ABCA13: variants seen among roughly 807,000 people sequenced by gnomAD.
ABCA13 encodes the protein ATP binding cassette subfamily A member 13.
Under a neutral mutation model 478.7 loss-of-function variants are expected in ABCA13, and 476 were observed. The observed-to-expected ratio is 0.99, with a 90% CI of 0.92 to 1.07. ABCA13 has a LOEUF of 1.07. Ranked by LOEUF, ABCA13 falls within the 50% of genes least tolerant of loss-of-function variation. ABCA13 has a pLI of 0.00. For missense variants in ABCA13, 6,060 were observed against 5,910.6 expected (o/e 1.03, Z -0.83); for synonymous variants, 2,252 against 2,158.9 (o/e 1.04, Z -1.20).
At chr7:48,361,009 T>C (rs980048766) in intron 31 of ABCA13, among the ~76,000 whole-genome samples, 4 of 151,204 alleles carry the variant, frequency 2.6e-5, no homozygotes, top group Non-Finnish European at 5.9e-5. Context: ...GAGGGGAGAA[T>C]TGCTTGAGCC....
chr7:48,375,254 G>A (rs1308236353), intron 34 of ABCA13, among the ~76,000 whole-genome samples: 2 of 152,124 alleles, frequency 1.3e-5, no homozygotes, highest in Admixed American at 6.5e-5. Flanking sequence ...ACTGGTCCCT[G>A]GTACCAAAAA....
intron 27 of ABCA13, among the ~76,000 whole-genome samples, chr7:48,325,494 A>ATCAGACGGT (rs1273431815): frequency 4.6e-5 from 7 of 152,042 alleles, no homozygotes; most frequent in African/African-American, 1.7e-4. Context: ...TTAAAACTGT[A>ATCAGACGGT]GCTTTTGGTA....
In ABCA13 at chr7:48,273,826, C is replaced by G; in HGVS notation, c.4160C>G (p.Thr1387Arg). 1.2e-6 allele frequency: 2 copies of G among 1,611,986 alleles called. No individual in the cohort carries two copies. Among genetic ancestry groups the G allele is most frequent in the Non-Finnish European group, 1.7e-6 (2 of 1,178,802 alleles). Reference protein sequence around the residue: ...TLNSTFSSENTISSLKGCIVW... With the variant: ...TLNSTFSSENRISSLKGCIVW... ...AATTCCACATTTTCCTCTGAGAACACAATTAGCAGTCTGAAAGGATGCATT... is the reference window on the plus strand; with the variant it reads ...AATTCCACATTTTCCTCTGAGAACAGAATTAGCAGTCTGAAAGGATGCATT... The change falls in exon 17 of 62, where the codon ACA becomes AGA. Residue 1387 changes from threonine to arginine, a missense_variant. Coordinates refer to ENST00000435803, the MANE Select transcript of ABCA13 (RefSeq NM_152701.5).
intron 27 of ABCA13, among the ~76,000 whole-genome samples, chr7:48,331,422 T>C (rs1172876415): frequency 1.3e-5 from 2 of 152,226 alleles, no homozygotes; most frequent in African/African-American, 2.4e-5. Context: ...AATTAAACAA[T>C]ATGATTATGA....
At chr7:48,376,408 C>T (rs1813489665) in intron 34 of ABCA13, 33 bp from the exon 35 acceptor site, 1 of 1,598,094 alleles carries the variant, frequency 6.3e-7, no homozygotes, top group South Asian at 1.1e-5. Context: ...AGAGCTTGTG[C>T]AGTTCTAACT....
chr7:48,614,083 T>A (rs1792297109), intron 58 of ABCA13, among the ~76,000 whole-genome samples: 1 of 149,722 alleles, frequency 6.7e-6, no homozygotes, highest in South Asian at 2.1e-4. Flanking sequence ...ACTAACATAT[T>A]AATATTATTT....
intron 59 of ABCA13, among the ~76,000 whole-genome samples, chr7:48,635,491 G>A (rs896417809): frequency 1.3e-5 from 2 of 152,086 alleles, no homozygotes; most frequent in African/African-American, 4.8e-5. Flanking sequence ...ATGATATGAG[G>A]CAAGAACAAG....
At chr7:48,239,434 C>A in intron 9 of ABCA13, 29 bp downstream of exon 9, 1 of 1,565,792 alleles carries the variant, frequency 6.4e-7, no homozygotes, top group South Asian at 1.2e-5. Flanking sequence ...ATGTTCTGTT[C>A]AAAGGTGTGC....
At chr7:48,471,380 G>C (rs143210201) in intron 44 of ABCA13, 150 bp from the exon 45 acceptor site, 2 of 696,156 alleles carry the variant, frequency 2.9e-6, no homozygotes, top group Admixed American at 2.8e-5. Context: ...AGCTCAAGCT[G>C]TGAAAACAAA....
chr7:48,493,912 C>T (rs1918578), intron 48 of ABCA13, among the ~76,000 whole-genome samples: 63,813 of 152,028 alleles, frequency 0.42, 15,107 homozygotes, highest in African/African-American at 0.64. Flanking sequence ...GATTCATATT[C>T]TGACCACTGA....
chr7:48,375,392 C>T (rs1813306952), intron 34 of ABCA13, among the ~76,000 whole-genome samples: 2 of 152,130 alleles, frequency 1.3e-5, no homozygotes, highest in South Asian at 4.1e-4. Context: ...TATTTGTTGG[C>T]TCTCATCTTT....
intron 43 of ABCA13, among the ~76,000 whole-genome samples, chr7:48,464,976 A>G (rs1826704850): frequency 1.3e-5 from 2 of 152,120 alleles, no homozygotes; most frequent in South Asian, 2.1e-4. Context: ...ATGGCTTCCA[A>G]TCAAGTGTCC....
chr7:48,239,138 A>G (rs1790416546), intron 8 of ABCA13, 103 bp from the exon 9 acceptor site: 2 of 1,226,340 alleles, frequency 1.6e-6, no homozygotes, highest in East Asian at 4.9e-5. Context: ...AATCAAGCAA[A>G]TGTAAGAACT....
At chr7:48,633,546 C>G (rs965904682) in intron 59 of ABCA13, among the ~76,000 whole-genome samples, 9 of 151,894 alleles carry the variant, frequency 5.9e-5, no homozygotes, top group African/African-American at 2.2e-4. Flanking sequence ...TCAATAAATT[C>G]AAAAAATTGA....
chr7:48,358,520 C>A (rs1429025044), intron 31 of ABCA13, among the ~76,000 whole-genome samples: 1 of 151,928 alleles, frequency 6.6e-6, no homozygotes, highest in East Asian at 1.9e-4. Context: ...GTTTGCTCTG[C>A]CTCTGGTAAA....
At chr7:48,260,745 G>C (rs1584488391) in intron 15 of ABCA13, among the ~76,000 whole-genome samples, 1 of 152,022 alleles carries the variant, frequency 6.6e-6, no homozygotes, top group South Asian at 2.1e-4. Context: ...TTGACTTAAT[G>C]CTCTATGGTC....
intron 15 of ABCA13, among the ~76,000 whole-genome samples, chr7:48,264,274 T>C (rs1367515658): frequency 6.6e-6 from 1 of 151,886 alleles, no homozygotes; most frequent in Non-Finnish European, 1.5e-5. Flanking sequence ...ACAAGTCTTG[T>C]TTGGAAATAT....
At chr7:48,184,586 G>A (rs778601579) in intron 1 of ABCA13, among the ~76,000 whole-genome samples, 5 of 152,140 alleles carry the variant, frequency 3.3e-5, no homozygotes, top group Non-Finnish European at 5.9e-5. Flanking sequence ...TTGGAAGGCT[G>A]AGGTGGGCAG....
chr7:48,629,294 A>G (rs1793945390), intron 59 of ABCA13, among the ~76,000 whole-genome samples: 3 of 152,188 alleles, frequency 2.0e-5, no homozygotes, highest in Admixed American at 6.5e-5. Context: ...CTATGGGATT[A>G]TGATTTCCTA....
Sources: allele counts gnomAD v4.1 joint callset (sites outside exome capture counted in the v4.1 genomes callset), GRCh38; gene constraint gnomAD v4.1.1; transcripts MANE v1.5; gene names NCBI Gene and HGNC (gene_info 2026-07-23, HGNC 2026-07-21).